GCNT2: variants seen among roughly 807,000 people sequenced by gnomAD.
GCNT2 encodes the protein glucosaminyl (N-acetyl) transferase 2 (I blood group).
A neutral mutation model predicts 34.2 loss-of-function variants in GCNT2; 34 were observed. That is an observed-to-expected ratio of 1.00 (90% confidence interval 0.76 to 1.32). The LOEUF is 1.32. Ranked by LOEUF, GCNT2 falls within the 40% of genes most tolerant of loss-of-function variation. The pLI is 0.00. For missense variants in GCNT2, 584 were observed against 489.4 expected (o/e 1.19, Z -1.82); for synonymous variants, 212 against 188.0 (o/e 1.13, Z -1.04).
chr6:10,609,602 G>A (rs891994587), intron 3 of GCNT2, among the ~76,000 whole-genome samples: 4 of 152,162 alleles, frequency 2.6e-5, no homozygotes, highest in African/African-American at 9.7e-5. Flanking sequence ...TCAGCATTTT[G>A]GGATCTTCCT....
intron 1 of GCNT2, chr6:10,521,722 AG>A (rs1483698462): frequency 6.6e-6 from 1 of 151,616 alleles, no homozygotes; most frequent in Non-Finnish European, 1.5e-5. Context: ...ACTGGGCACG[AG>A]GGTTTTCCAT....
At chr6:10,547,908 C>T (rs1171816096) in intron 3 of GCNT2, among the ~76,000 whole-genome samples, 1 of 152,166 alleles carries the variant, frequency 6.6e-6, no homozygotes, top group Non-Finnish European at 1.5e-5. Context: ...ACTTACTTTA[C>T]TGCTCAAATT....
At chr6:10,548,038 A>G (rs1762341599) in intron 3 of GCNT2, among the ~76,000 whole-genome samples, 1 of 152,196 alleles carries the variant, frequency 6.6e-6, no homozygotes, top group Non-Finnish European at 1.5e-5. Flanking sequence ...AACCTGCCCC[A>G]GTCTTGCAAT....
intron 3 of GCNT2, among the ~76,000 whole-genome samples, chr6:10,544,136 A>G (rs1762160922): frequency 6.6e-6 from 1 of 152,126 alleles, no homozygotes; most frequent in African/African-American, 2.4e-5. Context: ...CAATATGGCG[A>G]AACCCCGTCT....
intron 3 of GCNT2, among the ~76,000 whole-genome samples, chr6:10,604,148 C>T (rs755091730): frequency 1.2e-4 from 18 of 152,112 alleles, no homozygotes; most frequent in South Asian, 2.1e-4. Flanking sequence ...CCGCCCGCTT[C>T]GGCCTCCCAA....
At chr6:10,582,183 A>T (rs1764107640) in intron 3 of GCNT2, among the ~76,000 whole-genome samples, 2 of 129,468 alleles carry the variant, frequency 1.5e-5, no homozygotes, top group Admixed American at 8.8e-5. Context: ...TATATAAAAT[A>T]TATTTTTATA....
intron 3 of GCNT2, among the ~76,000 whole-genome samples, chr6:10,544,084 T>C (rs1762157674): frequency 6.7e-6 from 1 of 149,998 alleles, no homozygotes; most frequent in South Asian, 2.1e-4. Flanking sequence ...GAGGCCGAGA[T>C]GGGCGGATCA....
In GCNT2 at chr6:10,628,597, C is replaced by G. The variant is rs760044966; in HGVS notation, c.*1990C>G. Reference sequence around the variant, plus strand: ...CCATTGGCTATAGATGGGACTGTGTCCCCCCAAAATTCATGTGTTGGAGCC... The same window carrying G: ...CCATTGGCTATAGATGGGACTGTGTGCCCCCAAAATTCATGTGTTGGAGCC... On this transcript the variant is annotated 3_prime_UTR_variant, in exon 5 of 5. Coordinates refer to ENST00000495262, the MANE Select transcript of GCNT2 (RefSeq NM_145649.5). The G allele has an allele frequency of 6.6e-6, 1 of 152,198 alleles. No individual in the cohort carries two copies. The highest frequency in any genetic ancestry group is 2.4e-5 in the African/African-American group (1 of 41,446). 9.4% of individuals were successfully genotyped at this position (152,198 alleles called of 1,614,324 possible).
intron 3 of GCNT2, among the ~76,000 whole-genome samples, chr6:10,537,140 G>A (rs1219220747): frequency 3.3e-5 from 5 of 152,160 alleles, no homozygotes; most frequent in Non-Finnish European, 5.9e-5. Context: ...TTTTAAATAG[G>A]TAGATTATCA....
At chr6:10,548,307 C>G (rs528747745) in intron 3 of GCNT2, among the ~76,000 whole-genome samples, 1 of 152,196 alleles carries the variant, frequency 6.6e-6, no homozygotes. Flanking sequence ...TTCTGTGAAG[C>G]AGATCTGGGC....
chr6:10,586,725 A>C, intron 3 of GCNT2: 2 of 1,614,084 alleles, frequency 1.2e-6, no homozygotes, highest in Non-Finnish European at 1.7e-6. Context: ...TTTTGTGAAA[A>C]ATACTAATAT....
At chr6:10,548,446 T>G (rs367573166) in intron 3 of GCNT2, among the ~76,000 whole-genome samples, 1 of 152,186 alleles carries the variant, frequency 6.6e-6, no homozygotes, top group African/African-American at 2.4e-5. Context: ...CCTGAGTGAT[T>G]AGGGGCAAAC....
chr6:10,525,477 G>T (rs1037200146), intron 1 of GCNT2, among the ~76,000 whole-genome samples: 7 of 152,006 alleles, frequency 4.6e-5, no homozygotes, highest in Admixed American at 4.6e-4. Flanking sequence ...TCACACAAAC[G>T]CAAGAGCCTA....
Position 10,529,212 on chromosome 6 carries a change from G to A in GCNT2, c.301G>A (p.Val101Met), listed in dbSNP as rs1761350582. The A allele has an allele frequency of 1.9e-6, 3 of 1,614,062 alleles. No homozygotes were observed. The highest frequency in any genetic ancestry group is 1.3e-5 in the African/African-American group (1 of 74,928). The change falls in exon 3 of 5, where the codon GTG becomes ATG. Residue 101 changes from valine (V) to methionine (M), a missense_variant. Val to Met is a conservative substitution (Grantham distance 21). Transcript: ENST00000495262. ...GGCTGGGTTCCCTTTAGCTTACACAGTGACCATCCACAAAGACTTCGGCAC... is the reference window on the plus strand; with the variant it reads ...GGCTGGGTTCCCTTTAGCTTACACAATGACCATCCACAAAGACTTCGGCAC... The part of the protein sequence containing the change: ...EEAGFPLAYT[V>M]TIHKDFGTFE...
At chr6:10,582,000 A>T in intron 3 of GCNT2, 1 of 245,178 alleles carries the variant, frequency 4.1e-6, no homozygotes, top group Non-Finnish European at 6.4e-6. Flanking sequence ...ATATATAAAT[A>T]TATTTATGTG....
intron 3 of GCNT2, among the ~76,000 whole-genome samples, chr6:10,614,237 A>C (rs1303954143): frequency 6.6e-6 from 1 of 152,168 alleles, no homozygotes; most frequent in Non-Finnish European, 1.5e-5. Flanking sequence ...TTCCCTAAGC[A>C]AGTTGAACCA....
chr6:10,555,870 G>A lies in GCNT2; in HGVS notation c.925+26034G>A, dbSNP rs1762676795. 3 of 992,460 alleles carry A rather than the reference G, an allele frequency of 3.0e-6. No individual in the cohort carries two copies. The South Asian group carries it at 1.4e-4, about 45-fold the overall frequency. 61.5% of individuals were successfully genotyped at this position (992,460 alleles called of 1,614,324 possible). A position where few individuals can be genotyped will look rare whatever the true frequency, so the allele number is the denominator to read the frequency against. On this transcript the variant is annotated intron_variant, in intron 3 of 4. Coordinates refer to ENST00000495262, the MANE Select transcript of GCNT2 (RefSeq NM_145649.5). ...ACAGAAGCTATTTTCTATCCCGTGG[G>A]TTGCGCTGGAAGAGCTGAGAGGCCA...
intron 3 of GCNT2, among the ~76,000 whole-genome samples, chr6:10,536,901 G>C (rs1028384281): frequency 1.3e-5 from 2 of 151,754 alleles, no homozygotes; most frequent in Non-Finnish European, 2.9e-5. Context: ...GAGTAGCTGG[G>C]ACTACAGGCG....
intron 3 of GCNT2, among the ~76,000 whole-genome samples, chr6:10,562,472 C>A (rs896892440): frequency 6.6e-6 from 1 of 151,990 alleles, no homozygotes; most frequent in Non-Finnish European, 1.5e-5. Flanking sequence ...AGTCCCAGCA[C>A]TTTTTGAGGC....
Sources: allele counts gnomAD v4.1 joint callset (sites outside exome capture counted in the v4.1 genomes callset), GRCh38; gene constraint gnomAD v4.1.1; transcripts MANE v1.5; gene names NCBI Gene and HGNC (gene_info 2026-07-23, HGNC 2026-07-21).